The following BCKDHB variants were observed in gnomAD, a reference collection of about 807,000 sequenced individuals.
BCKDHB encodes 2-oxoisovalerate dehydrogenase subunit beta, mitochondrial.
Under a neutral mutation model 48.5 loss-of-function variants are expected in BCKDHB, and 41 were observed. That is an observed-to-expected ratio of 0.85 (90% CI 0.66 to 1.10). The LOEUF (loss-of-function observed/expected upper bound fraction) is 1.10. Ranked by LOEUF, BCKDHB falls within the 50% of genes least tolerant of loss-of-function variation. The pLI is 0.00. For synonymous variants in BCKDHB, 201 were observed against 174.8 expected, an observed-to-expected ratio of 1.15 and a Z score of -1.18; for missense variants, 496 against 494.2, an observed-to-expected ratio of 1.00 and a Z score of -0.03.
the BCKDHB span, among the ~76,000 whole-genome samples, chr6:80,376,366 C>A: frequency 6.6e-6 from 1 of 152,138 alleles, no homozygotes; most frequent in African/African-American, 2.4e-5. Context: ...CCGCTGTGCA[C>A]CCCCAGCAGC....
At chr6:80,367,510 A>C in the BCKDHB span, among the ~76,000 whole-genome samples, 1 of 152,186 alleles carries the variant, frequency 6.6e-6, no homozygotes, top group East Asian at 1.9e-4. Flanking sequence ...ACATTCTATC[A>C]ACACTCTCTA....
chr6:80,397,870 T>A, the BCKDHB span, among the ~76,000 whole-genome samples: 1 of 152,222 alleles, frequency 6.6e-6, no homozygotes, highest in East Asian at 1.9e-4. Context: ...AGAGCAAGAC[T>A]CTGTCTCAAA....
the BCKDHB span, among the ~76,000 whole-genome samples, chr6:80,449,027 C>A: frequency 1.4e-4 from 21 of 152,280 alleles, no homozygotes; most frequent in African/African-American, 4.1e-4. Flanking sequence ...GTAGTAATTT[C>A]TTGTATCAAT....
the BCKDHB span, among the ~76,000 whole-genome samples, chr6:80,421,815 G>A: frequency 6.1e-4 from 93 of 152,226 alleles, no homozygotes; most frequent in Non-Finnish European, 1.1e-3. Flanking sequence ...AAAGTGTTTG[G>A]TCATATGCAT....
chr6:80,444,719 T>C, the BCKDHB span, among the ~76,000 whole-genome samples: 1 of 152,192 alleles, frequency 6.6e-6, no homozygotes, highest in African/African-American at 2.4e-5. Context: ...AAACAATTTT[T>C]AAAATGTCTT....
the BCKDHB span, among the ~76,000 whole-genome samples, chr6:80,364,459 G>C: frequency 3.9e-5 from 6 of 152,174 alleles, no homozygotes; most frequent in Admixed American, 2.6e-4. Flanking sequence ...GGGAGGTCAT[G>C]AGCCATAAAG....
At chr6:80,370,884 A>G in the BCKDHB span, among the ~76,000 whole-genome samples, 1 of 151,386 alleles carries the variant, frequency 6.6e-6, no homozygotes, top group Non-Finnish European at 1.5e-5. Flanking sequence ...TTATCCACTC[A>G]TTGATTGATG....
At chr6:80,264,285 T>C (rs934079543) in intron 8 of BCKDHB, among the ~76,000 whole-genome samples, 6 of 152,214 alleles carry the variant, frequency 3.9e-5, no homozygotes, top group African/African-American at 1.4e-4. Context: ...TGTTTTAATA[T>C]GAACTGATGA....
At chr6:80,135,400 C>G (rs1479499945) in intron 3 of BCKDHB, among the ~76,000 whole-genome samples, 3 of 151,942 alleles carry the variant, frequency 2.0e-5, no homozygotes, top group Non-Finnish European at 4.4e-5. Context: ...GACATACAAG[C>G]AGATTGAATA....
chr6:80,442,285 T>C, the BCKDHB span, among the ~76,000 whole-genome samples: 1 of 152,320 alleles, frequency 6.6e-6, no homozygotes, highest in African/African-American at 2.4e-5. Context: ...TACAATTTCA[T>C]GTTCAAAACT....
intron 9 of BCKDHB, among the ~76,000 whole-genome samples, chr6:80,317,494 T>C (rs913080683): frequency 6.6e-6 from 1 of 152,218 alleles, no homozygotes; most frequent in African/African-American, 2.4e-5. Flanking sequence ...CGCATCTCGC[T>C]GACCCTTCTT....
intron 3 of BCKDHB, among the ~76,000 whole-genome samples, chr6:80,163,196 C>A (rs190446873): frequency 6.6e-6 from 1 of 151,982 alleles, no homozygotes; most frequent in African/African-American, 2.4e-5. Flanking sequence ...TGAGCCATAG[C>A]GCCTGGCTTC....
At chr6:80,462,427 C>T in the BCKDHB span, among the ~76,000 whole-genome samples, 1 of 152,142 alleles carries the variant, frequency 6.6e-6, no homozygotes, top group African/African-American at 2.4e-5. Flanking sequence ...AAATATCGTG[C>T]ATTATTTCAG....
At chr6:80,325,225 G>T (rs1197516637) in intron 9 of BCKDHB, among the ~76,000 whole-genome samples, 3 of 152,096 alleles carry the variant, frequency 2.0e-5, no homozygotes, top group Non-Finnish European at 4.4e-5. Context: ...GCATATAGCA[G>T]TCTGTAGCAC....
chr6:80,360,137 A>G, the BCKDHB span, among the ~76,000 whole-genome samples: 2 of 152,002 alleles, frequency 1.3e-5, no homozygotes, highest in Non-Finnish European at 2.9e-5. Context: ...ATTATGTGCC[A>G]AGTGAACAAT....
chr6:80,267,991 G>T (rs949871178), intron 8 of BCKDHB, among the ~76,000 whole-genome samples: 2 of 151,998 alleles, frequency 1.3e-5, no homozygotes, highest in African/African-American at 4.8e-5. Flanking sequence ...TAACATCTTT[G>T]CCAAAATGGA....
chr6:80,189,972 A>C (rs1182251760), intron 6 of BCKDHB, among the ~76,000 whole-genome samples: 1 of 152,096 alleles, frequency 6.6e-6, no homozygotes, highest in African/African-American at 2.4e-5. Flanking sequence ...TATGTAAATA[A>C]ACTTGGAGTT....
At chr6:80,299,570 A>T (rs1390099108) in intron 9 of BCKDHB, among the ~76,000 whole-genome samples, 1 of 152,232 alleles carries the variant, frequency 6.6e-6, no homozygotes, top group Non-Finnish European at 1.5e-5. Context: ...TAAACTTTAT[A>T]GAAAAGAAAT....
At chr6:80,450,571 T>C in the BCKDHB span, among the ~76,000 whole-genome samples, 8 of 152,134 alleles carry the variant, frequency 5.3e-5, no homozygotes, top group African/African-American at 1.4e-4. Context: ...ACTAGAAATC[T>C]CAGAGGCACT....
Sources: gnomAD v4.1 joint callset for allele counts (sites outside exome capture counted in the v4.1 genomes callset) on GRCh38, gnomAD v4.1.1 for gene constraint, MANE v1.5 for transcripts, NCBI Gene and HGNC (gene_info 2026-07-23, HGNC 2026-07-21) for gene names.